The following GRIP2 variants were observed in gnomAD, a reference collection of about 807,000 sequenced individuals.
The protein encoded by GRIP2 is glutamate receptor-interacting protein 2.
GRIP2 carries 58 observed loss-of-function variants against 108.3 expected under a neutral mutation model. That is an observed-to-expected ratio of 0.54 (90% CI 0.43 to 0.67). The LOEUF is 0.67. Ranked by LOEUF, GRIP2 falls within the 30% of genes least tolerant of loss-of-function variation. The pLI is 0.00. For missense variants in GRIP2, 1,278 were observed against 1,430.6 expected (o/e 0.89, Z 1.72); for synonymous variants, 586 against 598.2 (o/e 0.98, Z 0.30).
chr3:14,524,513 A>C lies in GRIP2; in HGVS notation c.283T>G (p.Tyr95Asp). The change falls in exon 4 of 24, where the codon TAT becomes GAT. Residue 95 changes from tyrosine (Y) to aspartate (D), a missense_variant. Tyr to Asp is a radical substitution (Grantham distance 160). Coordinates refer to ENST00000621039, the MANE Select transcript of GRIP2 (RefSeq NM_001080423.4). Reference protein sequence around the residue: ...ARSDLLNIGDYIRSVNGIHLT... With the variant: ...ARSDLLNIGDDIRSVNGIHLT... The stretch of plus-strand genomic sequence containing the variant: ...TGGATCCCGTTCACAGACCGAATAT[A>C]GTCACCAATGTTCAGCAGATCACTC... 6.4e-7 allele frequency: 1 copy of C among 1,555,570 alleles called. No homozygotes were observed. The highest frequency in any genetic ancestry group is 8.7e-7 in the Non-Finnish European group (1 of 1,149,204).
At chr3:14,566,282 A>G in the GRIP2 span, among the ~76,000 whole-genome samples, 26,256 of 152,196 alleles carry the variant, frequency 0.17, 2,446 homozygotes, top group Middle Eastern at 0.29. Flanking sequence ...AGGGGACTGG[A>G]TGATAGCCCA....
chr3:14,582,630 A>C, the GRIP2 span, among the ~76,000 whole-genome samples: 11 of 152,304 alleles, frequency 7.2e-5, no homozygotes, highest in East Asian at 2.1e-3. Flanking sequence ...TTCCCTGAAC[A>C]TGCCAAGCTT....
the GRIP2 span, among the ~76,000 whole-genome samples, chr3:14,590,391 G>A: frequency 2.0e-5 from 3 of 152,132 alleles, no homozygotes; most frequent in Non-Finnish European, 2.9e-5. Context: ...TGAACCTTCT[G>A]AATGATTTCT....
chr3:14,555,246 G>A (rs755436918), intron 1 of GRIP2, among the ~76,000 whole-genome samples: 16 of 152,026 alleles, frequency 1.1e-4, no homozygotes, highest in South Asian at 2.1e-4. Context: ...AACTCCCCAC[G>A]TACAGCCCCT....
intron 9 of GRIP2, among the ~76,000 whole-genome samples, chr3:14,518,129 C>T (rs1575009676): frequency 6.6e-6 from 1 of 152,216 alleles, no homozygotes; most frequent in East Asian, 1.9e-4. Flanking sequence ...AGAAAGGAAG[C>T]CAGGCCGAGG....
At chr3:14,597,602 G>A in the GRIP2 span, among the ~76,000 whole-genome samples, 1 of 152,162 alleles carries the variant, frequency 6.6e-6, no homozygotes, top group Non-Finnish European at 1.5e-5. Flanking sequence ...CCAGGCTGCT[G>A]CCTTAGAAAG....
chr3:14,580,749 C>A, the GRIP2 span, among the ~76,000 whole-genome samples: 4 of 152,310 alleles, frequency 2.6e-5, no homozygotes, highest in East Asian at 7.7e-4. Flanking sequence ...CTTGACCAGG[C>A]TTTAGTGCCC....
intron 17 of GRIP2, among the ~76,000 whole-genome samples, chr3:14,508,439 T>C (rs1422220222): frequency 6.6e-6 from 1 of 152,236 alleles, no homozygotes; most frequent in African/African-American, 2.4e-5. Context: ...TAGCAGGTGC[T>C]TAGAGTGACC....
upstream of GRIP2, chr3:14,540,452 C>T (rs896443344): frequency 2.6e-5 from 40 of 1,552,156 alleles, no homozygotes; most frequent in Admixed American, 5.3e-4. This position sits in a 1 kb window ranked among gnomAD's most constrained non-coding sequence, Gnocchi z 4.1. Context: ...CTGCAGCGGG[C>T]GGCTCTCTGC....
chr3:14,569,877 G>A, the GRIP2 span, among the ~76,000 whole-genome samples: 1 of 152,082 alleles, frequency 6.6e-6, no homozygotes, highest in East Asian at 1.9e-4. Context: ...GGCAGAAGTC[G>A]AGCCAGGCCC....
Position 14,512,689 on chromosome 3 carries a change from T to C in GRIP2, c.1720+88A>G. ...TCGGGCCCCGCAGGGTGTCACGCCA[T>C]GGAAATGCTGGTCTGAGCTTGGCAA... On this transcript the variant is annotated intron_variant, in intron 14 of 23. Coordinates refer to ENST00000621039, the MANE Select transcript of GRIP2 (RefSeq NM_001080423.4). The surrounding 1 kb of genome is among the most constrained non-coding windows in gnomAD (Gnocchi z 5.1). The C allele has an allele frequency of 1.5e-6, 2 of 1,312,994 alleles. No individual in the cohort carries two copies. The highest frequency in any genetic ancestry group is 2.2e-6 in the Non-Finnish European group (2 of 927,144). The allele number at this position is 1,312,994 out of a possible 1,614,324, so 81.3% of individuals were successfully genotyped here. A position where few individuals can be genotyped will look rare whatever the true frequency, so the allele number is the denominator to read the frequency against.
the GRIP2 span, among the ~76,000 whole-genome samples, chr3:14,575,415 A>C: frequency 6.6e-6 from 1 of 152,186 alleles, no homozygotes; most frequent in Non-Finnish European, 1.5e-5. Context: ...TCCAGAAGCC[A>C]GCCTCAAATG....
At chr3:14,553,154 C>T (rs1695180039) in intron 1 of GRIP2, among the ~76,000 whole-genome samples, 1 of 146,240 alleles carries the variant, frequency 6.8e-6, no homozygotes, top group South Asian at 2.2e-4. Flanking sequence ...ATCACCCAGG[C>T]TGGTGTGCAG....
upstream of GRIP2, among the ~76,000 whole-genome samples, chr3:14,560,078 C>T (rs1182432761): frequency 6.6e-6 from 1 of 152,032 alleles, no homozygotes; most frequent in Non-Finnish European, 1.5e-5. Context: ...CATAGTGAGA[C>T]TCTGTCTCTA....
the GRIP2 span, among the ~76,000 whole-genome samples, chr3:14,596,901 C>T: frequency 6.6e-6 from 1 of 152,130 alleles, no homozygotes; most frequent in African/African-American, 2.4e-5. Context: ...CCACCATACT[C>T]AGCTGATTTT....
intron 1 of GRIP2, among the ~76,000 whole-genome samples, chr3:14,533,993 T>G (rs1694773485): frequency 6.6e-6 from 1 of 152,182 alleles, no homozygotes; most frequent in South Asian, 2.1e-4. Context: ...GTGCCCTTGG[T>G]GGCCTCTTGT....
the GRIP2 span, among the ~76,000 whole-genome samples, chr3:14,597,677 G>A: frequency 6.6e-6 from 1 of 152,200 alleles, no homozygotes; most frequent in Admixed American, 6.5e-5. Flanking sequence ...AGCCAAATTA[G>A]AGTGTAGATT....
At position 14,522,773 on chromosome 3, in the gene GRIP2, C is replaced by T. The variant is rs1005077119; in HGVS notation, c.566+227G>A. 1 of 546,148 alleles carries T rather than the reference C, an allele frequency of 1.8e-6. No individual in the cohort carries two copies. The highest frequency in any genetic ancestry group is 3.3e-6 in the Non-Finnish European group (1 of 303,826). The allele number at this position is 546,148 out of a possible 1,614,324, so 33.8% of individuals were successfully genotyped here. A position where few individuals can be genotyped will look rare whatever the true frequency, so the allele number is the denominator to read the frequency against. On this transcript the variant is annotated intron_variant, in intron 6 of 23. Transcript: ENST00000621039. The surrounding 1 kb of genome is among the most constrained non-coding windows in gnomAD (Gnocchi z 4.3). ...GCTGCCCCTCTCCAAACACCCCAAC[C>T]CCTGAGACAGCAGTATGTTGGGGAA...
At chr3:14,601,736 C>G in the GRIP2 span, among the ~76,000 whole-genome samples, 5 of 152,354 alleles carry the variant, frequency 3.3e-5, no homozygotes, top group African/African-American at 1.2e-4. Context: ...GGGACCAGCT[C>G]TCTCCGTCTT....
Sources: allele counts gnomAD v4.1 joint callset (sites outside exome capture counted in the v4.1 genomes callset), GRCh38; gene constraint gnomAD v4.1.1; non-coding constraint Gnocchi (gnomAD v3.1); transcripts MANE v1.5; gene names NCBI Gene and HGNC (gene_info 2026-07-23, HGNC 2026-07-21).